Variants in PGAM2 observed in about 807,000 individuals in gnomAD.
PGAM2 encodes phosphoglycerate mutase 2.
PGAM2 carries 23 observed loss-of-function variants against 22.5 expected under a neutral mutation model. The observed-to-expected ratio is 1.02, with a 90% CI of 0.74 to 1.45. PGAM2 has a LOEUF of 1.45. PGAM2 is among the 40% of genes most tolerant of loss of function. The probability of loss-of-function intolerance (pLI) is 0.00; values close to 1 mark genes in which losing one functional copy is unlikely to be tolerated. For synonymous variants in PGAM2, 133 were observed against 138.6 expected (o/e 0.96, Z 0.29); for missense variants, 349 against 356.2 (o/e 0.98, Z 0.16).
Position 44,062,808 on chromosome 7 carries a change from G to C in PGAM2, c.718C>G (p.Arg240Gly), listed in dbSNP as rs375024229. The change falls in exon 3 of 3, where the codon CGG (arginine) becomes GGG (glycine). Residue 240 changes from arginine (R) to glycine (G), a missense_variant. Physicochemically the swap from Arg to Gly is moderately radical, Grantham distance 125 (BLOSUM62 -2). Coordinates refer to ENST00000297283, the MANE Select transcript of PGAM2 (RefSeq NM_000290.4). ...MQFLGDEETV[R>G]KAMEAVAAQG... ...GCAGCCACAGCCTCCATGGCCTTCCGCACCGTTTCCTCATCACCCAGGAAC... is the reference window on the plus strand; with the variant it reads ...GCAGCCACAGCCTCCATGGCCTTCCCCACCGTTTCCTCATCACCCAGGAAC... 5 of 1,614,134 alleles carry C rather than the reference G, an allele frequency of 3.1e-6. No individual in the cohort carries two copies. In the Admixed American group the frequency reaches 5.0e-5, roughly 16 times the overall value.
In PGAM2 at chr7:44,064,912, A is replaced by G. The variant is rs370003298; in HGVS notation, c.515T>C (p.Val172Ala). The G allele has an allele frequency of 2.5e-6, 4 of 1,611,412 alleles. No individual in the cohort carries two copies. Among genetic ancestry groups the G allele is most frequent in the Non-Finnish European group, 3.4e-6 (4 of 1,179,704 alleles). Residue 172 changes from valine (V) to alanine (A), a missense_variant, in exon 2 of 3, where the codon GTT becomes GCT. Transcript: ENST00000297283. ...TCGCTTGCCGGCCTTGATCTGGGGA[A>G]CAATCTCCTCGTTCCAGAAGGGCAG... ...RALPFWNEEIVPQIKAGKRVL... is the reference protein window; with the variant it reads ...RALPFWNEEIAPQIKAGKRVL...
chr7:44,065,425 G>C lies in PGAM2; in HGVS notation c.105C>G (p.Thr35=). ...WFDAELSEKG[T]EEAKRGAKAI... is the part of the protein sequence containing the mutation. The stretch of plus-strand genomic sequence containing the variant: ...CCTTGGCTCCCCGCTTGGCCTCCTC[G>C]GTCCCCTTTTCACTCAGCTCTGCAT... The change falls in exon 1 of 3, where the codon ACC becomes ACG. Residue 35 remains threonine (T), a synonymous_variant. Transcript: ENST00000297283. 1 of 1,614,052 alleles carries C rather than the reference G, an allele frequency of 6.2e-7. No individual in the cohort carries two copies. Among genetic ancestry groups the C allele is most frequent in the Non-Finnish European group, 8.5e-7 (1 of 1,180,026 alleles).
At chr7:44,063,272 TTTTC>T in intron 2 of PGAM2, 9 of 333,414 alleles carry the variant, frequency 2.7e-5, no homozygotes, top group Non-Finnish European at 5.1e-5. Context: ...TGTTTTTTTT[TTTTC>T]TTTTCTTTTT....
chr7:44,064,804 C>CCAGCCAACTGCCAATCAGCAT, intron 2 of PGAM2, 28 bp downstream of exon 2: 1 of 1,437,752 alleles, frequency 7.0e-7, no homozygotes, highest in Non-Finnish European at 9.6e-7. Flanking sequence ...CCCACCCACC[C>CCAGCCAACTGCCAATCAGCAT]TGCCCAGGCT....
rs1586001983 is a variant in PGAM2, at chr7:44,065,239, G to C, written c.291C>G (p.Gly97=). ...TGGCGGCCGTTTCTGCCTTGTTGAG[G>C]CCTGTGAGGCCCCCGTAATGCCGCT... ...LNERHYGGLT[G]LNKAETAAKH... is the part of the protein sequence containing the mutation. The change falls in exon 1 of 3, where the codon GGC becomes GGG. Residue 97 remains glycine, a synonymous_variant. Transcript: ENST00000297283. 1.2e-6 allele frequency: 2 copies of C among 1,613,912 alleles called. No individual in the cohort carries two copies. Among genetic ancestry groups the C allele is most frequent in the East Asian group, 2.2e-5 (1 of 44,882 alleles).
At chr7:44,064,793 G>GGGCCCCCC in intron 2 of PGAM2, 39 bp downstream of exon 2, 5 of 1,136,956 alleles carry the variant, frequency 4.4e-6, no homozygotes, top group Non-Finnish European at 5.2e-6. Context: ...TGGGGCTGCT[G>GGGCCCCCC]CCCACCCACC....
chr7:44,065,032 T>A lies in PGAM2; in HGVS notation c.415-20A>T. ...ACGCTCCTGGGGGACACAGGCACGC[T>A]GCTTTCCCTCCCAAGCCAGTGGGCC... On this transcript the variant is annotated intron_variant, in intron 1 of 2. Transcript: ENST00000297283. 1.9e-6 allele frequency: 3 copies of A among 1,607,244 alleles called. No individual in the cohort carries two copies. The highest frequency in any genetic ancestry group is 2.5e-6 in the Non-Finnish European group (3 of 1,179,600).
At chr7:44,063,017 A>C in intron 2 of PGAM2, 87 bp from the exon 3 acceptor site, 1 of 1,417,808 alleles carries the variant, frequency 7.1e-7, no homozygotes, top group Non-Finnish European at 1.0e-6. Flanking sequence ...TGGTCCACAG[A>C]GCCAGTTCCC....
intron 2 of PGAM2, 63 bp from the exon 3 acceptor site, chr7:44,062,993 CTA>C (rs1188141243): frequency 6.5e-7 from 1 of 1,550,146 alleles, no homozygotes; most frequent in South Asian, 1.1e-5. Flanking sequence ...ACAGCAGACA[CTA>C]TGTGACCTTT....
chr7:44,065,048 C>A (rs1220836172), intron 1 of PGAM2, 36 bp from the exon 2 acceptor site: 2 of 1,608,908 alleles, frequency 1.2e-6, no homozygotes, highest in African/African-American at 1.3e-5. Context: ...CCCTCCCAAG[C>A]CAGTGGGCCC....
Position 44,065,463 on chromosome 7 carries a change from A to G in PGAM2, c.67T>C (p.Cys23Arg). Residue 23 changes from cysteine (C) to arginine (R), a missense_variant, in exon 1 of 3, where the codon TGT becomes CGT. By Grantham distance (180) the Cys-to-Arg change is radical. Coordinates refer to ENST00000297283, the MANE Select transcript of PGAM2 (RefSeq NM_000290.4). ...ESTWNQENRF[C>R]GWFDAELSEK... The stretch of plus-strand genomic sequence containing the variant: ...CTCAGCTCTGCATCGAACCAGCCAC[A>G]GAAACGGTTCTCCTGGTTCCATGTG... The G allele has an allele frequency of 6.2e-7, 1 of 1,614,144 alleles. No homozygotes were observed. The highest frequency in any genetic ancestry group is 8.5e-7 in the Non-Finnish European group (1 of 1,180,046).
intron 1 of PGAM2, 50 bp downstream of exon 1, chr7:44,065,066 A>G (rs1347362744): frequency 6.2e-7 from 1 of 1,610,740 alleles, no homozygotes; most frequent in Admixed American, 1.7e-5. Context: ...CCCCCACCCG[A>G]CTCCCCACTC....
At position 44,064,648 on chromosome 7, in the gene PGAM2, TAC is replaced by T. The variant is rs553182528; in HGVS notation, c.595+182_595+183del. The T allele has an allele frequency of 4.9e-4, 313 of 636,444 alleles. No individual in the cohort carries two copies. The African/African-American group carries it at 5.1e-3, about 10-fold the overall frequency. 39.4% of individuals were successfully genotyped at this position (636,444 alleles called of 1,614,324 possible). On this transcript the variant is annotated intron_variant, in intron 2 of 2. Coordinates refer to ENST00000297283, the MANE Select transcript of PGAM2 (RefSeq NM_000290.4). ...CAGCCCCTGTGGAGTGTGTCCCAGT[TAC>T]ACAGAAATGGGGAAAATTTCACAAA...
rs1270230936 is a variant in PGAM2, at chr7:44,065,293, C to G, written c.237G>C (p.Leu79=). The G allele has an allele frequency of 6.2e-7, 1 of 1,613,554 alleles. No homozygotes were observed. The highest frequency in any genetic ancestry group is 2.2e-5 in the East Asian group (1 of 44,894). Residue 79 remains leucine, a synonymous_variant, in exon 1 of 3, where the codon CTG becomes CTC. Transcript: ENST00000297283. Reference sequence around the variant, plus strand: ...TGAGGCGCCAAGTGCGCACCACAGGCAGCCACATCTGGTCCGTGCCGTCCA... The same window carrying G: ...TGAGGCGCCAAGTGCGCACCACAGGGAGCCACATCTGGTCCGTGCCGTCCA... ...AILDGTDQMW[L]PVVRTWRLNE...
chr7:44,062,807 C>T lies in PGAM2; in HGVS notation c.719G>A (p.Arg240Gln), dbSNP rs369482159. 8.7e-5 allele frequency: 141 copies of T among 1,614,116 alleles called. No homozygotes were observed. Among genetic ancestry groups the T allele is most frequent in the Non-Finnish European group, 1.1e-4 (125 of 1,180,052 alleles). Residue 240 changes from arginine (R) to glutamine (Q), a missense_variant, in exon 3 of 3, where the codon CGG becomes CAG. Arg to Gln is a conservative substitution (Grantham distance 43, BLOSUM62 1). Transcript: ENST00000297283. ...MQFLGDEETVRKAMEAVAAQG... is the reference protein window; with the variant it reads ...MQFLGDEETVQKAMEAVAAQG... Reference sequence around the variant, plus strand: ...GGCAGCCACAGCCTCCATGGCCTTCCGCACCGTTTCCTCATCACCCAGGAA... The same window carrying T: ...GGCAGCCACAGCCTCCATGGCCTTCTGCACCGTTTCCTCATCACCCAGGAA...
chr7:44,062,984 C>G (rs2096152085), intron 2 of PGAM2, 54 bp from the exon 3 acceptor site: 2 of 1,577,250 alleles, frequency 1.3e-6, no homozygotes, highest in Admixed American at 1.7e-5. Flanking sequence ...CCTGTTTACA[C>G]AGCAGACACT....
chr7:44,065,396 A>G lies in PGAM2; in HGVS notation c.134T>C (p.Ile45Thr). ...GTCAAACTCCATCTTGGCATCCTTGATGGCCTTGGCTCCCCGCTTGGCCTC... is the reference window on the plus strand; with the variant it reads ...GTCAAACTCCATCTTGGCATCCTTGGTGGCCTTGGCTCCCCGCTTGGCCTC... The part of the protein sequence containing the change: ...TEEAKRGAKA[I>T]KDAKMEFDIC... Residue 45 changes from isoleucine (I) to threonine (T), a missense_variant, in exon 1 of 3, where the codon ATC (isoleucine) becomes ACC (threonine). Coordinates refer to ENST00000297283, the MANE Select transcript of PGAM2 (RefSeq NM_000290.4). 1 of 1,614,076 alleles carries G rather than the reference A, an allele frequency of 6.2e-7. No individual in the cohort carries two copies. The highest frequency in any genetic ancestry group is 1.1e-5 in the South Asian group (1 of 91,084).
chr7:44,063,110 C>G (rs2096152259), intron 2 of PGAM2, 180 bp from the exon 3 acceptor site: 1 of 675,780 alleles, frequency 1.5e-6, no homozygotes, highest in Non-Finnish European at 2.6e-6. Flanking sequence ...TTAGACCAAG[C>G]AGCCTACAGA....
chr7:44,062,782 G>A lies in PGAM2; in HGVS notation c.744C>T (p.Ala248=), dbSNP rs1212190997. The A allele has an allele frequency of 6.2e-7, 1 of 1,614,198 alleles. No individual in the cohort carries two copies. Among genetic ancestry groups the A allele is most frequent in the Non-Finnish European group, 8.5e-7 (1 of 1,180,042 alleles). Reference sequence around the variant, plus strand: ...CCACCCCTCACTTGGCCTTGCCCTGGGCAGCCACAGCCTCCATGGCCTTCC... The same window carrying A: ...CCACCCCTCACTTGGCCTTGCCCTGAGCAGCCACAGCCTCCATGGCCTTCC... ...TVRKAMEAVA[A]QGKAK Residue 248 remains alanine, a synonymous_variant, in exon 3 of 3, where the codon GCC becomes GCT. Transcript: ENST00000297283.
Sources: gnomAD v4.1 joint callset for allele counts on GRCh38, gnomAD v4.1.1 for gene constraint, MANE v1.5 for transcripts, NCBI Gene and HGNC (gene_info 2026-07-23, HGNC 2026-07-21) for gene names.